The following FYB2 variants were observed in gnomAD, a reference collection of about 807,000 sequenced individuals.
The protein encoded by FYB2 is FYN binding protein 2.
A neutral mutation model predicts 94.1 loss-of-function variants in FYB2; 103 were observed. The ratio of observed to expected loss-of-function variants is 1.09; its 90% CI spans 0.93 to 1.29. The LOEUF (loss-of-function observed/expected upper bound fraction) is 1.29. Ranked by LOEUF, FYB2 falls within the 50% of genes most tolerant of loss-of-function variation. The probability of loss-of-function intolerance (pLI) is 0.00; values close to 1 mark genes in which losing one functional copy is unlikely to be tolerated. For missense variants in FYB2, 896 were observed against 841.5 expected, an observed-to-expected ratio of 1.06 and a Z score of -0.80; for synonymous variants, 293 against 287.9, an observed-to-expected ratio of 1.02 and a Z score of -0.18.
At chr1:56,804,877 C>A (rs1284899647) in intron 1 of FYB2, among the ~76,000 whole-genome samples, 1 of 152,170 alleles carries the variant, frequency 6.6e-6, no homozygotes, top group Non-Finnish European at 1.5e-5. Context: ...CTTCTCTGAT[C>A]TTTTCCTGTC....
chr1:56,774,678 G>T (rs760188405), intron 4 of FYB2, among the ~76,000 whole-genome samples: 1 of 151,946 alleles, frequency 6.6e-6, no homozygotes, highest in East Asian at 1.9e-4. Context: ...ATTGAGTGTC[G>T]ACTTGATTGG....
chr1:56,761,461 T>G (rs1478745489), intron 5 of FYB2, among the ~76,000 whole-genome samples: 1 of 152,212 alleles, frequency 6.6e-6, no homozygotes, highest in African/African-American at 2.4e-5. Context: ...TGGAATGTTA[T>G]GCAGAAGTGT....
At chr1:56,810,457 C>G (rs1646742766) in intron 1 of FYB2, among the ~76,000 whole-genome samples, 1 of 151,974 alleles carries the variant, frequency 6.6e-6, no homozygotes, top group Non-Finnish European at 1.5e-5. Flanking sequence ...ATGGGACCCA[C>G]TCTGTAAACA....
intron 4 of FYB2, among the ~76,000 whole-genome samples, chr1:56,786,589 C>T (rs776737443): frequency 6.6e-6 from 1 of 152,164 alleles, no homozygotes; most frequent in Non-Finnish European, 1.5e-5. Flanking sequence ...GGAATCATGG[C>T]TCAGCAAGTG....
chr1:56,823,446 A>C (rs1038017034), upstream of FYB2, among the ~76,000 whole-genome samples: 2 of 152,234 alleles, frequency 1.3e-5, no homozygotes, highest in Non-Finnish European at 2.9e-5. Flanking sequence ...AAGATAAAAT[A>C]TTTAAGGATA....
intron 11 of FYB2, 54 bp downstream of exon 11, chr1:56,743,972 A>G: frequency 1.9e-6 from 3 of 1,549,412 alleles, no homozygotes; most frequent in Middle Eastern, 1.7e-4. Context: ...AATCAGCCAT[A>G]GAAGCATTCT....
chr1:56,742,125 C>T (rs1266813208), intron 12 of FYB2, 36 bp downstream of exon 12: 1 of 1,561,690 alleles, frequency 6.4e-7, no homozygotes, highest in African/African-American at 1.4e-5. Flanking sequence ...AACAGGAAGT[C>T]ATTAGCCTAC....
At chr1:56,821,551 CT>C (rs556513266), upstream of FYB2, among the ~76,000 whole-genome samples, 82 of 152,296 alleles carry the variant, frequency 5.4e-4, 1 homozygote, top group East Asian at 0.015. Flanking sequence ...AAACAAGAGT[CT>C]GGCAGCGTTG....
chr1:56,767,297 T>C (rs1384525159), intron 5 of FYB2, among the ~76,000 whole-genome samples: 2 of 152,198 alleles, frequency 1.3e-5, no homozygotes, highest in African/African-American at 4.8e-5. Flanking sequence ...CTCACAAAAA[T>C]GTCCCGAGCA....
chr1:56,813,288 GT>G (rs1374020677), intron 1 of FYB2, among the ~76,000 whole-genome samples: 160 of 151,746 alleles, frequency 1.1e-3, no homozygotes, highest in African/African-American at 3.8e-3. Flanking sequence ...TGGACTCCCA[GT>G]TCCACATGGC....
chr1:56,811,763 AC>A (rs200085068), intron 1 of FYB2, among the ~76,000 whole-genome samples: 1 of 143,952 alleles, frequency 6.9e-6, no homozygotes, highest in African/African-American at 2.5e-5. Flanking sequence ...GACCAAACAA[AC>A]AAACAAACAA....
intron 9 of FYB2, among the ~76,000 whole-genome samples, chr1:56,750,521 C>G (rs1645171448): frequency 6.6e-6 from 1 of 151,884 alleles, no homozygotes; most frequent in South Asian, 2.1e-4. Context: ...TTGTGTTTAA[C>G]ATAGTATGGT....
rs1644587405 is a variant in FYB2 at position 56,726,561 on chromosome 1, A to G, written c.1816T>C (p.Trp606Arg). ...ESKDEDKLKM[W>R]KPKFLTPKEK... Reference sequence around the variant, plus strand: ...TTTGGTGTCAGAAACTTGGGCTTCCACATTTTCAGTTTATCTTCATCTCTG... The same window carrying G: ...TTTGGTGTCAGAAACTTGGGCTTCCGCATTTTCAGTTTATCTTCATCTCTG... The change falls in exon 16 of 20, where the codon TGG (tryptophan) becomes CGG (arginine). Residue 606 changes from tryptophan (W) to arginine (R), a missense_variant. Coordinates refer to ENST00000343433, the MANE Select transcript of FYB2 (RefSeq NM_001004303.5). The G allele has an allele frequency of 6.2e-7, 1 of 1,611,822 alleles. No homozygotes were observed. The highest frequency in any genetic ancestry group is 8.5e-7 in the Non-Finnish European group (1 of 1,178,738).
At chr1:56,750,988 C>G in intron 9 of FYB2, 56 bp downstream of exon 9, 1 of 1,562,766 alleles carries the variant, frequency 6.4e-7, no homozygotes, top group South Asian at 1.2e-5. Flanking sequence ...TTTGGCCATG[C>G]TCAGCTATAA....
At chr1:56,752,307 G>A (rs1419623201) in intron 8 of FYB2, among the ~76,000 whole-genome samples, 3 of 152,032 alleles carry the variant, frequency 2.0e-5, no homozygotes, top group African/African-American at 7.2e-5. Flanking sequence ...AGACTGACAG[G>A]ACGAGACCCT....
At chr1:56,807,860 T>C (rs1165340839) in intron 1 of FYB2, among the ~76,000 whole-genome samples, 1 of 152,216 alleles carries the variant, frequency 6.6e-6, no homozygotes, top group Non-Finnish European at 1.5e-5. Flanking sequence ...TTAACTTTCA[T>C]TCCCATCAAT....
intron 4 of FYB2, among the ~76,000 whole-genome samples, chr1:56,782,032 G>C (rs1646020705): frequency 6.6e-6 from 1 of 152,096 alleles, no homozygotes; most frequent in Non-Finnish European, 1.5e-5. Context: ...AGGGTAATAT[G>C]ATATTTTAAT....
chr1:56,741,592 C>A (rs142551250), intron 12 of FYB2, among the ~76,000 whole-genome samples: 2 of 151,904 alleles, frequency 1.3e-5, no homozygotes, highest in African/African-American at 2.4e-5. Context: ...CCCCTTGAAC[C>A]CTTAAACTCC....
At chr1:56,758,560 G>A (rs1000814876) in intron 6 of FYB2, among the ~76,000 whole-genome samples, 156 bp downstream of exon 6, 6 of 152,162 alleles carry the variant, frequency 3.9e-5, no homozygotes, top group Admixed American at 2.0e-4. Context: ...AGGGCTCAAA[G>A]TGCAGACTCT....
Sources: allele counts gnomAD v4.1 joint callset (sites outside exome capture counted in the v4.1 genomes callset), GRCh38; gene constraint gnomAD v4.1.1; transcripts MANE v1.5; gene names NCBI Gene and HGNC (gene_info 2026-07-23, HGNC 2026-07-21).